Variants in ST6GALNAC3 observed in about 807,000 individuals in gnomAD.
ST6GALNAC3 encodes the protein ST6 N-acetylgalactosaminide alpha-2,6-sialyltransferase 3.
Under a neutral mutation model 32.7 loss-of-function variants are expected in ST6GALNAC3, and 25 were observed. The ratio of observed to expected loss-of-function variants is 0.76; its 90% CI spans 0.56 to 1.07. The LOEUF is 1.07. Ranked by LOEUF, ST6GALNAC3 falls within the 50% of genes least tolerant of loss-of-function variation. The pLI, the probability that ST6GALNAC3 is intolerant of heterozygous loss-of-function variation, is 0.00. For synonymous variants in ST6GALNAC3, 129 were observed against 133.1 expected (o/e 0.97, Z 0.21); for missense variants, 355 against 382.4 (o/e 0.93, Z 0.60).
chr1:76,605,330 A>G (rs913549359), intron 3 of ST6GALNAC3, among the ~76,000 whole-genome samples: 30 of 152,294 alleles, frequency 2.0e-4, no homozygotes, highest in African/African-American at 6.7e-4. Flanking sequence ...CTTCTGAACT[A>G]GTGGTGAATT....
At chr1:76,551,180 C>A (rs1664606698) in intron 3 of ST6GALNAC3, among the ~76,000 whole-genome samples, 1 of 152,038 alleles carries the variant, frequency 6.6e-6, no homozygotes, top group South Asian at 2.1e-4. Context: ...TCACTTCTAC[C>A]CTTTCTTCTT....
At chr1:76,503,742 G>A (rs1661316658) in intron 3 of ST6GALNAC3, among the ~76,000 whole-genome samples, 1 of 152,156 alleles carries the variant, frequency 6.6e-6, no homozygotes, top group Non-Finnish European at 1.5e-5. Flanking sequence ...CAGCTGAAAT[G>A]TGTGTTTGGT....
chr1:76,457,684 T>C (rs1332552238), intron 3 of ST6GALNAC3, among the ~76,000 whole-genome samples: 1 of 152,090 alleles, frequency 6.6e-6, no homozygotes, highest in East Asian at 1.9e-4. Flanking sequence ...TAGCCATATG[T>C]AGAAAGCTGA....
chr1:76,260,995 C>CACACACACAT (rs952573592), intron 1 of ST6GALNAC3, among the ~76,000 whole-genome samples: 6 of 151,898 alleles, frequency 4.0e-5, no homozygotes, highest in African/African-American at 1.5e-4. Flanking sequence ...CACACACACA[C>CACACACACAT]ACACACACAC....
At chr1:76,085,769 C>A (rs1282714540) in intron 1 of ST6GALNAC3, among the ~76,000 whole-genome samples, 2 of 152,212 alleles carry the variant, frequency 1.3e-5, no homozygotes, top group Non-Finnish European at 2.9e-5. Flanking sequence ...TACCATATGA[C>A]ATCCAGCTCA....
intron 3 of ST6GALNAC3, among the ~76,000 whole-genome samples, chr1:76,525,791 G>GTA (rs199721572): frequency 0.085 from 6,351 of 75,064 alleles, 486 homozygotes; most frequent in Admixed American, 0.14. Flanking sequence ...GTGTGTGTGT[G>GTA]TATATATATA....
At chr1:76,393,145 T>C (rs1652693093) in intron 2 of ST6GALNAC3, among the ~76,000 whole-genome samples, 1 of 152,222 alleles carries the variant, frequency 6.6e-6, no homozygotes, top group Non-Finnish European at 1.5e-5. Flanking sequence ...GTTAATTTTC[T>C]TTTTCAAATG....
chr1:76,629,423 A>G lies in ST6GALNAC3; in HGVS notation c.*617A>G, dbSNP rs551922276. ...AGATTTCATGGACATCCTACACTTC[A>G]GGATTACTTGACTATCTCAAACACA... On this transcript the variant is annotated 3_prime_UTR_variant, in exon 5 of 5. Transcript: ENST00000328299. The G allele has an allele frequency of 1.0e-6, 1 of 985,664 alleles. No homozygotes were observed. Among genetic ancestry groups the G allele is most frequent in the South Asian group, 4.7e-5 (1 of 21,286 alleles). The allele number at this position is 985,664 out of a possible 1,614,324, so 61.1% of individuals were successfully genotyped here. A position where few individuals can be genotyped will look rare whatever the true frequency, so the allele number is the denominator to read the frequency against.
chr1:76,195,480 G>A (rs1371416892), intron 1 of ST6GALNAC3, among the ~76,000 whole-genome samples: 1 of 152,138 alleles, frequency 6.6e-6, no homozygotes, highest in African/African-American at 2.4e-5. Context: ...TCTCCTTCAA[G>A]GACATTCTTA....
intron 3 of ST6GALNAC3, among the ~76,000 whole-genome samples, chr1:76,422,356 GT>G (rs1446542481): frequency 5.3e-5 from 8 of 151,936 alleles, no homozygotes; most frequent in African/African-American, 1.7e-4. Flanking sequence ...TTCTGCTGTT[GT>G]TTTACAAAAA....
intron 2 of ST6GALNAC3, chr1:76,353,968 TG>T: frequency 5.4e-6 from 1 of 185,900 alleles, no homozygotes; most frequent in Non-Finnish European, 1.2e-5. Context: ...CTTCTTTCCC[TG>T]GCATAGTTCT....
chr1:76,534,306 G>C (rs1034336860), intron 3 of ST6GALNAC3, among the ~76,000 whole-genome samples: 1 of 152,120 alleles, frequency 6.6e-6, no homozygotes, highest in African/African-American at 2.4e-5. Flanking sequence ...ACCTCCCAAA[G>C]TGCTGGGATA....
At chr1:76,486,444 C>G (rs1660121790) in intron 3 of ST6GALNAC3, among the ~76,000 whole-genome samples, 1 of 152,172 alleles carries the variant, frequency 6.6e-6, no homozygotes, top group African/African-American at 2.4e-5. Flanking sequence ...ATAGTTAGCT[C>G]TTCTTGTTGA....
chr1:76,256,024 A>C, intron 1 of ST6GALNAC3, among the ~76,000 whole-genome samples: 1 of 151,974 alleles, frequency 6.6e-6, no homozygotes, highest in Admixed American at 6.6e-5. Flanking sequence ...TAACACACAC[A>C]CACACACACA....
chr1:76,283,009 C>T (rs1471203223), intron 1 of ST6GALNAC3, among the ~76,000 whole-genome samples: 1 of 152,078 alleles, frequency 6.6e-6, no homozygotes, highest in Non-Finnish European at 1.5e-5. Context: ...CACGCCACTG[C>T]ACTCCAGCCT....
chr1:76,122,693 G>A (rs1250977386), intron 1 of ST6GALNAC3, among the ~76,000 whole-genome samples: 1 of 152,154 alleles, frequency 6.6e-6, no homozygotes, highest in Non-Finnish European at 1.5e-5. Context: ...TTAATATGGG[G>A]GTGATTATGC....
intron 3 of ST6GALNAC3, among the ~76,000 whole-genome samples, chr1:76,555,927 T>C (rs1228653632): frequency 1.3e-5 from 2 of 152,132 alleles, no homozygotes; most frequent in African/African-American, 4.8e-5. Context: ...CATATGATAC[T>C]GTGTTTTTTA....
intron 3 of ST6GALNAC3, among the ~76,000 whole-genome samples, chr1:76,422,782 C>T (rs1655111933): frequency 6.6e-6 from 1 of 151,998 alleles, no homozygotes; most frequent in African/African-American, 2.4e-5. Context: ...AACATTTGGT[C>T]CTATAATCTT....
chr1:76,234,778 T>G (rs2100648016), intron 1 of ST6GALNAC3, among the ~76,000 whole-genome samples: 1 of 152,290 alleles, frequency 6.6e-6, no homozygotes, highest in Middle Eastern at 3.4e-3. Context: ...GTTTCTAGGA[T>G]CAATTTATCA....
Sources: allele counts gnomAD v4.1 joint callset (sites outside exome capture counted in the v4.1 genomes callset), GRCh38; gene constraint gnomAD v4.1.1; transcripts MANE v1.5; gene names NCBI Gene and HGNC (gene_info 2026-07-23, HGNC 2026-07-21).